The following GRM5 variants were observed in gnomAD, a reference collection of about 807,000 sequenced individuals.
GRM5 encodes the protein metabotropic glutamate receptor 5.
A neutral mutation model predicts 83.1 loss-of-function variants in GRM5; 19 were observed. The ratio of observed to expected loss-of-function variants is 0.23; its 90% CI spans 0.16 to 0.34. The LOEUF (loss-of-function observed/expected upper bound fraction) is 0.34. Ranked by LOEUF, GRM5 falls within the 10% of genes least tolerant of loss-of-function variation. GRM5 has a pLI of 1.00. For synonymous variants in GRM5, 675 were observed against 633.6 expected (o/e 1.07, Z -0.98); for missense variants, 1,160 against 1,588.3 (o/e 0.73, Z 4.58).
chr11:88,856,286 ATGT>A (rs948557774), intron 2 of GRM5, among the ~76,000 whole-genome samples: 39 of 152,176 alleles, frequency 2.6e-4, no homozygotes, highest in African/African-American at 9.1e-4. Flanking sequence ...TTACTATTTA[ATGT>A]TGTTGTTTTT....
In GRM5 at chr11:88,508,352, C is replaced by G; in HGVS notation, c.*240G>C. On this transcript the variant is annotated 3_prime_UTR_variant, in exon 10 of 10. Coordinates refer to ENST00000305447, the MANE Select transcript of GRM5 (RefSeq NM_001143831.3). This position sits in a 1 kb window ranked among gnomAD's most constrained non-coding sequence, Gnocchi z 4.2. ...CTTGTCAGCCCTCAAAGATATCAGC[C>G]GTGTTTCTTAAAAGCCCATGTTTTC... The G allele has an allele frequency of 2.3e-6, 1 of 433,554 alleles. No homozygotes were observed. The allele number at this position is 433,554 out of a possible 1,614,324, so 26.9% of individuals were successfully genotyped here. A position where few individuals can be genotyped will look rare whatever the true frequency, so the allele number is the denominator to read the frequency against.
chr11:88,545,557 A>G (rs184846904), intron 8 of GRM5, among the ~76,000 whole-genome samples: 2 of 151,700 alleles, frequency 1.3e-5, no homozygotes, highest in East Asian at 3.9e-4. Context: ...TTACCCTTCA[A>G]ACCTCTTCTC....
At chr11:88,653,460 T>A in intron 3 of GRM5, 57 bp from the exon 4 acceptor site, 13 of 1,142,860 alleles carry the variant, frequency 1.1e-5, no homozygotes, top group South Asian at 2.6e-5. Context: ...AGCAAATGAG[T>A]CCATTTGCTT....
chr11:88,535,762 G>C (rs540813650), intron 8 of GRM5, among the ~76,000 whole-genome samples: 1 of 152,228 alleles, frequency 6.6e-6, no homozygotes, highest in African/African-American at 2.4e-5. Flanking sequence ...GTGTCTCTCT[G>C]TGTGTGTACA....
intron 3 of GRM5, among the ~76,000 whole-genome samples, chr11:88,848,033 G>T (rs1944327321): frequency 6.6e-6 from 1 of 152,154 alleles, no homozygotes; most frequent in Non-Finnish European, 1.5e-5. Flanking sequence ...GAGCAGATAG[G>T]AATCGTGGAA....
intron 4 of GRM5, among the ~76,000 whole-genome samples, chr11:88,613,987 G>A (rs375253142): frequency 6.6e-6 from 1 of 152,086 alleles, no homozygotes; most frequent in South Asian, 2.1e-4. Context: ...TTACTCACAC[G>A]ATCCAGAAGA....
Position 88,509,182 on chromosome 11 carries a change from G to A in GRM5, c.3049C>T (p.Arg1017Cys), listed in dbSNP as rs1941282376. 6.5e-7 allele frequency: 1 copy of A among 1,534,368 alleles called. No homozygotes were observed. The highest frequency in any genetic ancestry group is 8.7e-7 in the Non-Finnish European group (1 of 1,143,044). ...EEHFPAPARP[R>C]SPSPISTLSH... ...AGCGTGCTGATGGGCGACGGTGAGC[G>A]CGGCCGCGCGGGCGCCGGGAAGTGC... is the stretch of plus-strand genomic sequence containing the variant. Residue 1017 changes from arginine to cysteine, a missense_variant, in exon 10 of 10, where the codon CGC (arginine) becomes TGC (cysteine). Arg to Cys is a radical substitution (Grantham distance 180, BLOSUM62 -3). This residue lies in a region of GRM5 where 562 missense variants were observed against 532.4 expected (regional missense o/e 1.06). Coordinates refer to ENST00000305447, the MANE Select transcript of GRM5 (RefSeq NM_001143831.3).
intron 6 of GRM5, among the ~76,000 whole-genome samples, chr11:88,595,766 C>G (rs1441457724): frequency 6.6e-6 from 1 of 152,166 alleles, no homozygotes; most frequent in Non-Finnish European, 1.5e-5. Flanking sequence ...CTTCCACTGA[C>G]TACCATCTTA....
chr11:88,732,766 C>T lies in GRM5; in HGVS notation c.912-79363G>A, dbSNP rs1282912799. 2.6e-5 allele frequency among the ~76,000 whole-genome samples: 4 copies of T among 151,922 alleles called. No homozygotes were observed. The South Asian group carries it at 6.2e-4, about 24-fold the overall frequency. ...TTTACCATGCAAAATTTTATTGGCTCAGATTACAAGGTCTCCTTCCATCCA... is the reference window on the plus strand; with the variant it reads ...TTTACCATGCAAAATTTTATTGGCTTAGATTACAAGGTCTCCTTCCATCCA... On this transcript the variant is annotated intron_variant, in intron 3 of 9. Coordinates refer to ENST00000305447, the MANE Select transcript of GRM5 (RefSeq NM_001143831.3).
At chr11:88,747,957 T>C (rs181019532) in intron 3 of GRM5, among the ~76,000 whole-genome samples, 6 of 152,226 alleles carry the variant, frequency 3.9e-5, no homozygotes, top group East Asian at 1.9e-4. Context: ...GGTTCTTACA[T>C]TGGGATTGAC....
intron 3 of GRM5, among the ~76,000 whole-genome samples, chr11:88,660,904 C>G (rs1244100962): frequency 1.3e-5 from 2 of 152,196 alleles, no homozygotes; most frequent in Non-Finnish European, 2.9e-5. Flanking sequence ...AGCTTGAATG[C>G]AACTTATCAA....
intron 4 of GRM5, among the ~76,000 whole-genome samples, chr11:88,638,733 T>G (rs2135282917): frequency 6.6e-6 from 1 of 152,270 alleles, no homozygotes; most frequent in East Asian, 1.9e-4. Context: ...TCAATGAATT[T>G]TTTTCATTTT....
chr11:88,556,018 T>C (rs914783088), intron 8 of GRM5, among the ~76,000 whole-genome samples: 42 of 152,136 alleles, frequency 2.8e-4, no homozygotes, highest in African/African-American at 9.9e-4. Flanking sequence ...CTTTAAACCC[T>C]GAGGAAAGTT....
At chr11:88,573,134 T>C (rs1943039277) in intron 7 of GRM5, among the ~76,000 whole-genome samples, 1 of 152,316 alleles carries the variant, frequency 6.6e-6, no homozygotes, top group East Asian at 1.9e-4. Flanking sequence ...GGTTCTCTTG[T>C]ATAATCCATC....
intron 2 of GRM5, among the ~76,000 whole-genome samples, chr11:88,932,367 A>G (rs192052176): frequency 7.1e-4 from 108 of 152,100 alleles, no homozygotes; most frequent in Middle Eastern, 3.4e-3. Flanking sequence ...TTTATTGGCT[A>G]AAAAAGTTAT....
chr11:88,944,313 G>A (rs1276414795), intron 2 of GRM5, among the ~76,000 whole-genome samples: 1 of 151,962 alleles, frequency 6.6e-6, no homozygotes, highest in African/African-American at 2.4e-5. Flanking sequence ...ACATAATGGA[G>A]CTTTGTGTGT....
At chr11:88,629,482 C>T (rs1938899972) in intron 4 of GRM5, among the ~76,000 whole-genome samples, 1 of 152,156 alleles carries the variant, frequency 6.6e-6, no homozygotes, top group African/African-American at 2.4e-5. Context: ...AGACCCCCTC[C>T]AGAGGTAGAG....
intron 3 of GRM5, among the ~76,000 whole-genome samples, chr11:88,816,012 G>T: frequency 6.7e-6 from 1 of 148,282 alleles, no homozygotes; most frequent in East Asian, 2.0e-4. Flanking sequence ...AGGAGATCGA[G>T]ACCATCCTGG....
In GRM5 at chr11:88,568,568, G is replaced by T. The variant is rs114239510; in HGVS notation, c.1691-576C>A. 1.2e-3 allele frequency among the ~76,000 whole-genome samples: 182 copies of T among 152,292 alleles called. 1 individual carries two copies. Among genetic ancestry groups the T allele is most frequent in the African/African-American group, 4.4e-3 (181 of 41,556 alleles). Reference sequence around the variant, plus strand: ...TTAGAGAATCCTAGATCAGTAGGAAGTTATTCTAAGGATCTTTGTAGAGCA... The same window carrying T: ...TTAGAGAATCCTAGATCAGTAGGAATTTATTCTAAGGATCTTTGTAGAGCA... On this transcript the variant is annotated intron_variant, in intron 7 of 9. Transcript: ENST00000305447.
Sources: allele counts gnomAD v4.1 joint callset (sites outside exome capture counted in the v4.1 genomes callset), GRCh38; gene constraint gnomAD v4.1.1; regional missense constraint gnomAD v4.1.1; non-coding constraint Gnocchi (gnomAD v3.1); transcripts MANE v1.5; gene names NCBI Gene and HGNC (gene_info 2026-07-23, HGNC 2026-07-21).